The following DESI2 variants were observed in gnomAD, a reference collection of about 807,000 sequenced individuals.
DESI2 encodes the protein deubiquitinase DESI2.
Under a neutral mutation model 24.1 loss-of-function variants are expected in DESI2, and 10 were observed. That is an observed-to-expected ratio of 0.41 (90% CI 0.26 to 0.70). The LOEUF (loss-of-function observed/expected upper bound fraction) is 0.70, where lower values mean the gene tolerates loss of function less well. DESI2 is among the 30% of genes least tolerant of loss of function. The pLI, the probability that DESI2 is intolerant of heterozygous loss-of-function variation, is 0.29. For missense variants in DESI2, 122 were observed against 234.9 expected (o/e 0.52, Z 3.14); for synonymous variants, 71 against 87.7 (o/e 0.81, Z 1.06).
intron 1 of DESI2, among the ~76,000 whole-genome samples, chr1:244,672,015 G>A (rs1458054590): frequency 6.6e-6 from 1 of 152,126 alleles, no homozygotes; most frequent in Non-Finnish European, 1.5e-5. Context: ...TTGGATGTTT[G>A]TCCCCTCCAA....
intron 1 of DESI2, among the ~76,000 whole-genome samples, chr1:244,682,658 T>C (rs1470314564): frequency 6.6e-6 from 1 of 152,194 alleles, no homozygotes; most frequent in African/African-American, 2.4e-5. Context: ...ATTTTGGTTA[T>C]CTATCACACT....
intron 4 of DESI2, 145 bp downstream of exon 4, chr1:244,692,165 T>C: frequency 1.4e-6 from 1 of 717,564 alleles, no homozygotes; most frequent in Admixed American, 3.6e-5. Flanking sequence ...CAATCTTGTA[T>C]GAATGACCTT....
chr1:244,702,129 G>T (rs985590214), intron 4 of DESI2, among the ~76,000 whole-genome samples: 2 of 152,180 alleles, frequency 1.3e-5, no homozygotes, highest in African/African-American at 4.8e-5. Flanking sequence ...GATGTGTCAT[G>T]GTTACCTCGC....
chr1:244,679,757 C>G (rs1391773549), intron 1 of DESI2, among the ~76,000 whole-genome samples: 1 of 151,606 alleles, frequency 6.6e-6, no homozygotes, highest in East Asian at 1.9e-4. Context: ...TGTAATCCCC[C>G]TTGCATGGCT....
chr1:244,662,040 TC>T lies in DESI2; in HGVS notation c.42+8687del, dbSNP rs1488421642. Among the ~76,000 whole-genome samples the T allele has an allele frequency of 5.3e-5, 8 of 152,222 alleles. 1 individual carries two copies. Among genetic ancestry groups the T allele is most frequent in the Non-Finnish European group, 1.2e-4 (8 of 68,040 alleles). On this transcript the variant is annotated intron_variant, in intron 1 of 4. Coordinates refer to ENST00000302550, the MANE Select transcript of DESI2 (RefSeq NM_016076.5). ...CAGTCCCACAACAGTGTAAAAGTGT[TC>T]CTATTTCTCCACATCCTCTCCAGCA... is the stretch of plus-strand genomic sequence containing the variant.
chr1:244,699,312 G>A (rs778847004), intron 4 of DESI2, among the ~76,000 whole-genome samples: 67 of 152,044 alleles, frequency 4.4e-4, no homozygotes, highest in South Asian at 6.2e-4. Flanking sequence ...GGCCAGGTGC[G>A]GTGGCTCATG....
Position 244,707,283 on chromosome 1 carries a change from GATTT to G in DESI2, c.*1495_*1498del, listed in dbSNP as rs1278143247. On this transcript the variant is annotated 3_prime_UTR_variant, in exon 5 of 5. Coordinates refer to ENST00000302550, the MANE Select transcript of DESI2 (RefSeq NM_016076.5). ...TGTATTTTTAACTTTTCCATAAGCT[GATTT>G]TGGTTCATTTTATCAACGTAAGCAC... 1 of 152,618 alleles carries G rather than the reference GATTT, an allele frequency of 6.6e-6. No homozygotes were observed. The highest frequency in any genetic ancestry group is 1.5e-5 in the Non-Finnish European group (1 of 68,036). 9.5% of individuals were successfully genotyped at this position (152,618 alleles called of 1,614,324 possible).
At chr1:244,662,828 T>A (rs560382909) in intron 1 of DESI2, among the ~76,000 whole-genome samples, 1 of 152,226 alleles carries the variant, frequency 6.6e-6, no homozygotes, top group South Asian at 2.1e-4. Context: ...TAAGCAAACA[T>A]CAAGGCTGTA....
chr1:244,682,191 G>C (rs568648187), intron 1 of DESI2, among the ~76,000 whole-genome samples: 159 of 152,274 alleles, frequency 1.0e-3, no homozygotes, highest in Admixed American at 2.7e-3. Flanking sequence ...GTGGCTGCTG[G>C]CTTGGGTGGC....
rs567851996 is a variant in DESI2 at position 244,706,069 on chromosome 1, T to C, written c.*280T>C. On this transcript the variant is annotated 3_prime_UTR_variant, in exon 5 of 5. Transcript: ENST00000302550. ...AAGCTCTGTTAAGTTATGTTTACAG[T>C]ATCTTGTATCGCTGTTTACAAATCT... 92 of 355,900 alleles carry C rather than the reference T, an allele frequency of 2.6e-4. No homozygotes were observed. Among genetic ancestry groups the C allele is most frequent in the African/African-American group, 1.6e-3 (77 of 47,958 alleles). The allele number at this position is 355,900 out of a possible 1,614,324, so 22.0% of individuals were successfully genotyped here.
chr1:244,674,525 C>T (rs998831596), intron 1 of DESI2, among the ~76,000 whole-genome samples: 1 of 152,140 alleles, frequency 6.6e-6, no homozygotes, highest in Non-Finnish European at 1.5e-5. Flanking sequence ...CCATATCTTC[C>T]CAAACTTCCA....
intron 1 of DESI2, among the ~76,000 whole-genome samples, chr1:244,684,974 C>G (rs1676764228): frequency 6.6e-6 from 1 of 152,158 alleles, no homozygotes; most frequent in Non-Finnish European, 1.5e-5. Context: ...AAAAATGTAG[C>G]CTTCGTTTCC....
chr1:244,653,255 C>T lies in DESI2; in HGVS notation c.-59C>T, dbSNP rs1675522559. ...GAAGCGCCCGCGGGGGTGAGAGCGG[C>T]CTCCGGCCCCGCGGAGACGGAGCGG... On this transcript the variant is annotated 5_prime_UTR_variant, in exon 1 of 5. Coordinates refer to ENST00000302550, the MANE Select transcript of DESI2 (RefSeq NM_016076.5). 8 of 1,448,112 alleles carry T rather than the reference C, an allele frequency of 5.5e-6. No homozygotes were observed. The South Asian group carries it at 9.1e-5, about 16-fold the overall frequency. 89.7% of individuals were successfully genotyped at this position (1,448,112 alleles called of 1,614,324 possible). A position where few individuals can be genotyped will look rare whatever the true frequency, so the allele number is the denominator to read the frequency against.
chr1:244,692,227 T>C (rs976391464), intron 4 of DESI2, among the ~76,000 whole-genome samples: 11 of 152,168 alleles, frequency 7.2e-5, no homozygotes, highest in African/African-American at 2.7e-4. Flanking sequence ...ATTCTATTCA[T>C]TACTTTGCAG....
At chr1:244,664,096 C>G (rs1675956983) in intron 1 of DESI2, among the ~76,000 whole-genome samples, 2 of 151,432 alleles carry the variant, frequency 1.3e-5, no homozygotes, top group South Asian at 4.2e-4. Flanking sequence ...AAGGCCATGG[C>G]CATCAATACT....
Position 244,679,183 on chromosome 1 carries a change from C to T in DESI2, c.43-7414C>T, listed in dbSNP as rs1263614089. Among the ~76,000 whole-genome samples the T allele has an allele frequency of 2.6e-5, 4 of 152,054 alleles. No individual in the cohort carries two copies. In the East Asian group the frequency reaches 7.7e-4, roughly 29 times the overall value. Reference sequence around the variant, plus strand: ...TCAGCCTCCTGGGTAGCTGGGACTACAGGCACGCACCACCACTTCCAGCTA... The same window carrying T: ...TCAGCCTCCTGGGTAGCTGGGACTATAGGCACGCACCACCACTTCCAGCTA... On this transcript the variant is annotated intron_variant, in intron 1 of 4. Coordinates refer to ENST00000302550, the MANE Select transcript of DESI2 (RefSeq NM_016076.5).
intron 1 of DESI2, 40 bp from the exon 2 acceptor site, chr1:244,686,557 T>C: frequency 7.4e-7 from 1 of 1,347,664 alleles, no homozygotes; most frequent in Non-Finnish European, 1.1e-6. Context: ...GGGTTGTAAA[T>C]GAACAGGTAT....
chr1:244,682,922 G>A (rs1198997692), intron 1 of DESI2, among the ~76,000 whole-genome samples: 1 of 151,976 alleles, frequency 6.6e-6, no homozygotes, highest in African/African-American at 2.4e-5. Flanking sequence ...CAAGACCATT[G>A]TGATAGGTAG....
chr1:244,706,018 C>T lies in DESI2; in HGVS notation c.*229C>T, dbSNP rs545497487. ...CTGTTTTTTTTATCCACTCGTAAATCTGGATTTATTTCTTCTGTTTTATAC... is the reference window on the plus strand; with the variant it reads ...CTGTTTTTTTTATCCACTCGTAAATTTGGATTTATTTCTTCTGTTTTATAC... On this transcript the variant is annotated 3_prime_UTR_variant, in exon 5 of 5. Transcript: ENST00000302550. 5.6e-5 allele frequency: 29 copies of T among 520,426 alleles called. No individual in the cohort carries two copies. The highest frequency in any genetic ancestry group is 5.2e-4 in the African/African-American group (27 of 52,176). The allele number at this position is 520,426 out of a possible 1,614,324, so 32.2% of individuals were successfully genotyped here.
Sources: allele counts gnomAD v4.1 joint callset (sites outside exome capture counted in the v4.1 genomes callset), GRCh38; gene constraint gnomAD v4.1.1; transcripts MANE v1.5; gene names NCBI Gene and HGNC (gene_info 2026-07-23, HGNC 2026-07-21).